The following LMTK2 variants were observed in gnomAD, a reference collection of about 807,000 sequenced individuals.
LMTK2 encodes lemur tail kinase 2.
In LMTK2, 37 loss-of-function variants were observed where a neutral mutation model predicts 127.5. That is an observed-to-expected ratio of 0.29 (90% CI 0.22 to 0.38). LMTK2 has a LOEUF of 0.38. Among genes scored for constraint, LMTK2 ranks in the 10% least tolerant of loss-of-function variants. LMTK2 has a pLI of 1.00. For missense variants in LMTK2, 1,694 were observed against 1,920.3 expected, an observed-to-expected ratio of 0.88 and a Z score of 2.20; for synonymous variants, 819 against 810.1, an observed-to-expected ratio of 1.01 and a Z score of -0.19.
Position 98,208,709 on chromosome 7 carries a change from C to G in LMTK2, c.*3217C>G, listed in dbSNP as rs1797845121. On this transcript the variant is annotated 3_prime_UTR_variant, in exon 14 of 14. Transcript: ENST00000297293. Reference sequence around the variant, plus strand: ...AAGGGCAACCCAGAAAAAGTGCTCCCCACATCCTTCTGAGACTTGGCCTGT... The same window carrying G: ...AAGGGCAACCCAGAAAAAGTGCTCCGCACATCCTTCTGAGACTTGGCCTGT... 1 of 152,232 alleles carries G rather than the reference C, an allele frequency of 6.6e-6. No homozygotes were observed. The highest frequency in any genetic ancestry group is 2.4e-5 in the African/African-American group (1 of 41,456). The allele number at this position is 152,232 out of a possible 1,614,324, so 9.4% of individuals were successfully genotyped here.
chr7:98,136,853 C>T (rs1041449360), intron 1 of LMTK2, among the ~76,000 whole-genome samples: 1 of 152,042 alleles, frequency 6.6e-6, no homozygotes, highest in Non-Finnish European at 1.5e-5. Flanking sequence ...TTATGAAATG[C>T]GAGGAAAGAC....
chr7:98,119,244 ATCT>A (rs1312428528), intron 1 of LMTK2, among the ~76,000 whole-genome samples: 2 of 152,230 alleles, frequency 1.3e-5, no homozygotes, highest in Non-Finnish European at 2.9e-5. Flanking sequence ...CACATATTTC[ATCT>A]TCTACTACGT....
At chr7:98,201,770 T>C (rs1463927086) in intron 11 of LMTK2, among the ~76,000 whole-genome samples, 1 of 152,046 alleles carries the variant, frequency 6.6e-6, no homozygotes, top group Non-Finnish European at 1.5e-5. Flanking sequence ...CCACCACGCC[T>C]AGCTAATTTT....
Position 98,157,860 on chromosome 7 carries a change from G to A in LMTK2, c.570-1478G>A, listed in dbSNP as rs75125316. 6.7e-3 allele frequency among the ~76,000 whole-genome samples: 1,022 copies of A among 152,258 alleles called. 10 individuals carry two copies. The highest frequency in any genetic ancestry group is 0.027 in the Middle Eastern group (8 of 294). The stretch of plus-strand genomic sequence containing the variant: ...GGGCGGGAAGATCTTTGTGGTGATG[G>A]GATAGTTCTGAGTCTCCATTGAGGT... On this transcript the variant is annotated intron_variant, in intron 5 of 13. Coordinates refer to ENST00000297293, the MANE Select transcript of LMTK2 (RefSeq NM_014916.4).
chr7:98,141,824 G>C (rs1322093421), intron 3 of LMTK2, among the ~76,000 whole-genome samples: 1 of 152,204 alleles, frequency 6.6e-6, no homozygotes, highest in Non-Finnish European at 1.5e-5. Flanking sequence ...TGTTCTGGAG[G>C]TGGTTTCTCT....
chr7:98,185,872 C>G (rs1797425271), intron 8 of LMTK2, among the ~76,000 whole-genome samples: 1 of 152,024 alleles, frequency 6.6e-6, no homozygotes. Context: ...TTGACCTCCG[C>G]TTTCTGAGCA....
chr7:98,122,712 GTGTGTGTGTGTGTGTATATA>G lies in LMTK2; in HGVS notation c.104-14601_104-14582del, dbSNP rs1311841207. Among the ~76,000 whole-genome samples, 69 of 5,438 alleles carry G rather than the reference GTGTGTGTGTGTGTGTATATA, an allele frequency of 0.013. 1 individual carries two copies. The South Asian group carries it at 0.2, about 16-fold the overall frequency. 3.6% of individuals were successfully genotyped at this position (5,438 alleles called of 152,430 possible). A position where few individuals can be genotyped will look rare whatever the true frequency, so the allele number is the denominator to read the frequency against. The stretch of plus-strand genomic sequence containing the variant: ...TGTGTGTGTGTGTGTGTGTGTGTGT[GTGTGTGTGTGTGTGTATATA>G]TATAACTGGATCTCACTCTGTCCCC... On this transcript the variant is annotated intron_variant, in intron 1 of 13. Transcript: ENST00000297293.
At chr7:98,134,338 C>T (rs896466277) in intron 1 of LMTK2, among the ~76,000 whole-genome samples, 2 of 152,208 alleles carry the variant, frequency 1.3e-5, no homozygotes, top group East Asian at 3.8e-4. Context: ...TGAGATGCAC[C>T]TGAAATTCAG....
chr7:98,164,338 C>T (rs1427163837), intron 6 of LMTK2, among the ~76,000 whole-genome samples: 3 of 152,140 alleles, frequency 2.0e-5, no homozygotes, highest in Non-Finnish European at 4.4e-5. Context: ...TTCGAAGTGC[C>T]GGGAGCTGCC....
intron 3 of LMTK2, among the ~76,000 whole-genome samples, chr7:98,148,492 C>CAAA (rs1202150647): frequency 1.2e-4 from 16 of 135,262 alleles, no homozygotes; most frequent in Non-Finnish European, 1.8e-4. Flanking sequence ...GACTCCGTCT[C>CAAA]AAAAAAAAAA....
intron 4 of LMTK2, 55 bp downstream of exon 4, chr7:98,151,510 C>T: frequency 1.5e-6 from 2 of 1,354,626 alleles, no homozygotes; most frequent in Non-Finnish European, 2.1e-6. Flanking sequence ...GTGTTCAGTG[C>T]AGGGCTGATG....
intron 9 of LMTK2, among the ~76,000 whole-genome samples, chr7:98,190,373 G>T (rs986746834): frequency 6.6e-6 from 1 of 152,224 alleles, no homozygotes; most frequent in African/African-American, 2.4e-5. Flanking sequence ...CCTGAGGTCA[G>T]GACTTTGAGA....
chr7:98,157,640 T>TAAAAAAA (rs34715220), intron 5 of LMTK2, among the ~76,000 whole-genome samples: 6 of 114,364 alleles, frequency 5.2e-5, no homozygotes, highest in East Asian at 2.5e-4. Context: ...GCTCCCACAT[T>TAAAAAAA]AAAAAAAAAA....
chr7:98,152,639 G>A (rs1319864623), intron 4 of LMTK2, among the ~76,000 whole-genome samples: 1 of 152,186 alleles, frequency 6.6e-6, no homozygotes, highest in East Asian at 1.9e-4. Context: ...TCAATTGTGG[G>A]AGGTGGGCTC....
At chr7:98,198,545 A>G (rs1366515502) in intron 11 of LMTK2, among the ~76,000 whole-genome samples, 1 of 152,048 alleles carries the variant, frequency 6.6e-6, no homozygotes, top group Non-Finnish European at 1.5e-5. Flanking sequence ...GTAGTAGTGC[A>G]GTAGTGCGAT....
intron 7 of LMTK2, among the ~76,000 whole-genome samples, chr7:98,179,294 G>A (rs1387570199): frequency 3.3e-5 from 5 of 152,206 alleles, no homozygotes; most frequent in African/African-American, 4.8e-5. Context: ...GCTCGACATC[G>A]CCCAAGCTAG....
chr7:98,175,080 T>G (rs1440312103), intron 7 of LMTK2, among the ~76,000 whole-genome samples: 1 of 152,214 alleles, frequency 6.6e-6, no homozygotes, highest in African/African-American at 2.4e-5. Context: ...CTTGGGGTGC[T>G]GAGCGGTTGG....
chr7:98,116,183 A>G (rs1796279793), intron 1 of LMTK2, among the ~76,000 whole-genome samples: 1 of 152,198 alleles, frequency 6.6e-6, no homozygotes, highest in Admixed American at 6.5e-5. Flanking sequence ...TGTGAGCCAC[A>G]GTGTCCGGCC....
chr7:98,164,634 C>T (rs756111047), intron 6 of LMTK2, among the ~76,000 whole-genome samples: 3 of 152,110 alleles, frequency 2.0e-5, no homozygotes, highest in Non-Finnish European at 2.9e-5. Context: ...TATAGAAGTA[C>T]GGGAGTCCTA....
Sources: allele counts gnomAD v4.1 joint callset (sites outside exome capture counted in the v4.1 genomes callset), GRCh38; gene constraint gnomAD v4.1.1; transcripts MANE v1.5; gene names NCBI Gene and HGNC (gene_info 2026-07-23, HGNC 2026-07-21).